The following CAB39 variants were observed in gnomAD, a reference collection of about 807,000 sequenced individuals.
CAB39 encodes the protein calcium binding protein 39, also known as calcium-binding protein 39.
Under a neutral mutation model 40.0 loss-of-function variants are expected in CAB39, and 8 were observed. The observed-to-expected ratio is 0.20, with a 90% CI of 0.12 to 0.36. CAB39 has a LOEUF of 0.36. Among genes scored for constraint, CAB39 ranks in the 10% least tolerant of loss-of-function variants. The pLI is 1.00. For missense variants in CAB39, 270 were observed against 401.1 expected (o/e 0.67, Z 2.79); for synonymous variants, 156 against 141.6 (o/e 1.10, Z -0.72).
chr2:230,750,414 A>G (rs537814996), intron 1 of CAB39, among the ~76,000 whole-genome samples: 3 of 152,328 alleles, frequency 2.0e-5, no homozygotes, highest in Non-Finnish European at 4.4e-5. Flanking sequence ...AACCCTCACC[A>G]GAAGCTGACC....
At chr2:230,792,717 C>T (rs1054445564) in intron 3 of CAB39, among the ~76,000 whole-genome samples, 5 of 152,180 alleles carry the variant, frequency 3.3e-5, no homozygotes, top group African/African-American at 1.2e-4. Flanking sequence ...GAAGATAGGT[C>T]TACTTTCCAT....
intron 2 of CAB39, among the ~76,000 whole-genome samples, chr2:230,785,432 G>C (rs1364128020): frequency 1.3e-5 from 2 of 152,004 alleles, no homozygotes; most frequent in African/African-American, 2.4e-5. Flanking sequence ...GGGCCTATTC[G>C]ATTTTGTCAA....
chr2:230,783,645 T>C (rs974781384), intron 2 of CAB39, among the ~76,000 whole-genome samples: 2 of 130,608 alleles, frequency 1.5e-5, no homozygotes, highest in African/African-American at 5.7e-5. Flanking sequence ...ACCATAGGCA[T>C]GCACCACTAT....
At chr2:230,718,783 C>G (rs766403996) in intron 1 of CAB39, among the ~76,000 whole-genome samples, 1 of 152,122 alleles carries the variant, frequency 6.6e-6, no homozygotes, top group African/African-American at 2.4e-5. Flanking sequence ...AACACTGAGG[C>G]CCACCGTAAC....
chr2:230,820,152 T>G lies in CAB39; in HGVS notation c.*1448T>G, dbSNP rs986565795. 1.6e-4 allele frequency: 24 copies of G among 152,652 alleles called. No homozygotes were observed. The highest frequency in any genetic ancestry group is 5.3e-4 in the African/African-American group (22 of 41,454). 9.5% of individuals were successfully genotyped at this position (152,652 alleles called of 1,614,324 possible). On this transcript the variant is annotated 3_prime_UTR_variant, in exon 9 of 9. Transcript: ENST00000258418. ...AGTTATTAGAATGGTATCTGTTCAT[T>G]TTAGTGATATGAAGATCACAACTAA...
chr2:230,718,202 A>C (rs938680960), intron 1 of CAB39, among the ~76,000 whole-genome samples: 2 of 152,236 alleles, frequency 1.3e-5, no homozygotes, highest in African/African-American at 2.4e-5. Flanking sequence ...AAAAGATCAC[A>C]CACTTTATTT....
intron 1 of CAB39, among the ~76,000 whole-genome samples, chr2:230,759,485 A>G (rs763529521): frequency 3.7e-4 from 57 of 152,246 alleles, no homozygotes; most frequent in Non-Finnish European, 7.1e-4. Context: ...GCTTTGGATC[A>G]AGACAGATCT....
chr2:230,799,330 T>C (rs1360829084), intron 5 of CAB39, among the ~76,000 whole-genome samples: 2 of 152,218 alleles, frequency 1.3e-5, no homozygotes, highest in African/African-American at 4.8e-5. Flanking sequence ...AGGACAGAGA[T>C]ACTCACATTG....
chr2:230,716,365 C>A (rs1694349905), intron 1 of CAB39, among the ~76,000 whole-genome samples: 1 of 152,090 alleles, frequency 6.6e-6, no homozygotes, highest in Non-Finnish European at 1.5e-5. Context: ...TTAGTTATTG[C>A]CATACTTTCC....
At chr2:230,760,419 T>C (rs1235688758) in intron 2 of CAB39, among the ~76,000 whole-genome samples, 1 of 152,240 alleles carries the variant, frequency 6.6e-6, no homozygotes, top group African/African-American at 2.4e-5. Flanking sequence ...GGTTGTGCTA[T>C]GTTGCCCAGG....
chr2:230,721,251 C>T (rs973898079), intron 1 of CAB39, among the ~76,000 whole-genome samples: 3 of 151,988 alleles, frequency 2.0e-5, no homozygotes, highest in African/African-American at 4.8e-5. Context: ...GCCAACGTGG[C>T]GAAACCATGT....
At chr2:230,787,315 CG>C (rs1355971274) in intron 2 of CAB39, among the ~76,000 whole-genome samples, 1 of 152,136 alleles carries the variant, frequency 6.6e-6, no homozygotes, top group Non-Finnish European at 1.5e-5. Flanking sequence ...TCTATTCATG[CG>C]TCATTCCTTT....
chr2:230,797,486 C>T (rs1400997388), intron 4 of CAB39, among the ~76,000 whole-genome samples: 1 of 129,012 alleles, frequency 7.8e-6, no homozygotes, highest in Non-Finnish European at 1.6e-5. Flanking sequence ...GTAACTGAAA[C>T]AAAATAATGA....
At chr2:230,725,710 A>G (rs1694555680) in intron 1 of CAB39, among the ~76,000 whole-genome samples, 1 of 152,212 alleles carries the variant, frequency 6.6e-6, no homozygotes, top group African/African-American at 2.4e-5. Flanking sequence ...CATTTCTGAT[A>G]CAGAAACAGA....
intron 8 of CAB39, 43 bp from the exon 9 acceptor site, chr2:230,818,473 T>G: frequency 6.4e-7 from 1 of 1,566,486 alleles, no homozygotes; most frequent in Non-Finnish European, 8.7e-7. Flanking sequence ...GTGGCTGCGT[T>G]TTGTCCTTTC....
intron 1 of CAB39, among the ~76,000 whole-genome samples, chr2:230,745,786 C>T (rs947282741): frequency 3.3e-5 from 5 of 151,976 alleles, no homozygotes; most frequent in Admixed American, 3.3e-4. Context: ...ACCACCACGC[C>T]CAGCTAATTT....
chr2:230,735,471 CATT>C (rs1347407437), intron 1 of CAB39, among the ~76,000 whole-genome samples: 1 of 148,858 alleles, frequency 6.7e-6, no homozygotes, highest in African/African-American at 2.5e-5. Flanking sequence ...CCAGCTCAGC[CATT>C]ATTTTAATTT....
Position 230,790,937 on chromosome 2 carries a change from A to G in CAB39, c.180A>G (p.Lys60=). The change falls in exon 3 of 9, where the codon AAA becomes AAG. Residue 60 remains lysine (K), a synonymous_variant. Coordinates refer to ENST00000258418, the MANE Select transcript of CAB39 (RefSeq NM_016289.4). ...AAATTCTGTATGGCACAAATGAAAA[A>G]GAGCCTCAGACAGAAGCAGTAGCTC... ...MKEILYGTNE[K]EPQTEAVAQL... 6.2e-7 allele frequency: 1 copy of G among 1,613,236 alleles called. No homozygotes were observed. The highest frequency in any genetic ancestry group is 8.5e-7 in the Non-Finnish European group (1 of 1,179,342).
chr2:230,793,245 T>C lies in CAB39; in HGVS notation c.312T>C (p.Asn104=), dbSNP rs1321760438. 1.2e-6 allele frequency: 2 copies of C among 1,612,278 alleles called. No individual in the cohort carries two copies. Among genetic ancestry groups the C allele is most frequent in the Non-Finnish European group, 8.5e-7 (1 of 1,178,852 alleles). ...AAGACGTGGCTCAAATTTTCAACAA[T>C]ATTCTCAGAAGACAAATTGGTACGA... ...GKKDVAQIFN[N]ILRRQIGTRT... The change falls in exon 4 of 9, where the codon AAT becomes AAC. Residue 104 remains asparagine, a synonymous_variant. Transcript: ENST00000258418.
Sources: gnomAD v4.1 joint callset for allele counts (sites outside exome capture counted in the v4.1 genomes callset) on GRCh38, gnomAD v4.1.1 for gene constraint, MANE v1.5 for transcripts, NCBI Gene and HGNC (gene_info 2026-07-23, HGNC 2026-07-21) for gene names.